ST3GAL5: variants seen among roughly 807,000 people sequenced by gnomAD.
ST3GAL5 encodes ST3 beta-galactoside alpha-2,3-sialyltransferase 5, also known as lactosylceramide alpha-2,3-sialyltransferase.
A neutral mutation model predicts 46.1 loss-of-function variants in ST3GAL5; 25 were observed. The ratio of observed to expected loss-of-function variants is 0.54; its 90% CI spans 0.40 to 0.76. The LOEUF is 0.76. Ranked by LOEUF, ST3GAL5 falls within the 30% of genes least tolerant of loss-of-function variation. The pLI is 0.00. For synonymous variants in ST3GAL5, 182 were observed against 192.7 expected, an observed-to-expected ratio of 0.94 and a Z score of 0.46; for missense variants, 431 against 521.2, an observed-to-expected ratio of 0.83 and a Z score of 1.69.
At chr2:85,864,860 G>A (rs891483520) in intron 1 of ST3GAL5, among the ~76,000 whole-genome samples, 11 of 152,288 alleles carry the variant, frequency 7.2e-5, no homozygotes, top group Middle Eastern at 3.4e-3. Context: ...TAGGACTCAA[G>A]ACTAAGTTTT....
intron 1 of ST3GAL5, among the ~76,000 whole-genome samples, chr2:85,878,788 A>G (rs903864522): frequency 1.3e-5 from 2 of 152,230 alleles, no homozygotes; most frequent in Non-Finnish European, 1.5e-5. Context: ...ACGCTGTGAT[A>G]GAGGAGCTAC....
In ST3GAL5 at chr2:85,847,861, C is replaced by T; in HGVS notation, c.662G>A (p.Arg221Lys). 6.2e-7 allele frequency: 1 copy of T among 1,613,636 alleles called. No individual in the cohort carries two copies. The highest frequency in any genetic ancestry group is 8.5e-7 in the Non-Finnish European group (1 of 1,179,950). The change falls in exon 4 of 7, where the codon AGG (arginine) becomes AAG (lysine). Residue 221 changes from arginine (R) to lysine (K), a missense_variant and splice_region_variant. Arg to Lys is a conservative substitution (Grantham distance 26). Coordinates refer to ENST00000638572, the MANE Select transcript of ST3GAL5 (RefSeq NM_003896.4). ...HTLNQFDVVI[R>K]LNSAPVEGYS... ...AAACAAACAAAAAAAACCAATGTAC[C>T]TTATCACAACATCGAACTGGTTCAG...
At chr2:85,842,885 C>A (rs1437535843) in intron 6 of ST3GAL5, among the ~76,000 whole-genome samples, 2 of 151,884 alleles carry the variant, frequency 1.3e-5, no homozygotes, top group Non-Finnish European at 2.9e-5. Context: ...CTCAGCCTCC[C>A]AAGTAGCTGA....
intron 4 of ST3GAL5, 91 bp from the exon 5 acceptor site, chr2:85,846,654 G>T: frequency 8.0e-7 from 1 of 1,242,286 alleles, no homozygotes; most frequent in Non-Finnish European, 1.2e-6. Flanking sequence ...TGTCCTCCAC[G>T]TCTTCTTATG....
At chr2:85,885,212 G>C (rs1241113270) in intron 1 of ST3GAL5, among the ~76,000 whole-genome samples, 1 of 152,220 alleles carries the variant, frequency 6.6e-6, no homozygotes, top group Admixed American at 6.5e-5. Flanking sequence ...AGGAAGTGCA[G>C]TATTATGAGA....
chr2:85,848,577 T>A, intron 3 of ST3GAL5: 1 of 416,664 alleles, frequency 2.4e-6, no homozygotes, highest in Non-Finnish European at 4.4e-6. Context: ...AGTTAAACTT[T>A]GAGGACATTA....
rs201747823 is a variant in ST3GAL5 at position 85,867,605 on chromosome 2, G to T, written c.83-4120C>A. On this transcript the variant is annotated intron_variant, in intron 1 of 6. Transcript: ENST00000638572. ...AAAGAAACGTGTGATGGGGACTTACGAACAGAAGCCATGTCCTGGGTGGCG... is the reference window on the plus strand; with the variant it reads ...AAAGAAACGTGTGATGGGGACTTACTAACAGAAGCCATGTCCTGGGTGGCG... The T allele has an allele frequency of 1.3e-3, 992 of 780,936 alleles. 18 individuals carry two copies. In the South Asian group the frequency reaches 0.013, roughly 10 times the overall value. The allele number at this position is 780,936 out of a possible 1,614,324, so 48.4% of individuals were successfully genotyped here.
intron 1 of ST3GAL5, among the ~76,000 whole-genome samples, chr2:85,882,655 C>A (rs1292662168): frequency 7.1e-6 from 1 of 140,010 alleles, no homozygotes; most frequent in African/African-American, 2.7e-5. Flanking sequence ...ATGGTGAAAC[C>A]CCATCTCTAC....
rs893242479 is a variant in ST3GAL5 at position 85,882,203 on chromosome 2, G to A, written c.82+6621C>T. Among the ~76,000 whole-genome samples, 28 of 152,224 alleles carry A rather than the reference G, an allele frequency of 1.8e-4. 1 individual carries two copies. The highest frequency in any genetic ancestry group is 1.3e-3 in the Admixed American group (20 of 15,284). On this transcript the variant is annotated intron_variant, in intron 1 of 6. Coordinates refer to ENST00000638572, the MANE Select transcript of ST3GAL5 (RefSeq NM_003896.4). ...ATGCCCAGGCAAAAGTTTGCTGCAG[G>A]GGCGGGGACCTCATGGAGAACCTCT...
chr2:85,844,795 G>A, intron 5 of ST3GAL5: 2 of 567,760 alleles, frequency 3.5e-6, no homozygotes, highest in East Asian at 3.1e-5. Flanking sequence ...TGCAGAACCA[G>A]CTTGTATTTG....
intron 1 of ST3GAL5, among the ~76,000 whole-genome samples, chr2:85,876,520 G>C (rs1405732721): frequency 3.4e-5 from 5 of 148,364 alleles, no homozygotes; most frequent in African/African-American, 1.2e-4. Flanking sequence ...CTGCAGTGAG[G>C]TGGCATGATC....
Position 85,837,404 on chromosome 2 carries a change from G to A in ST3GAL5, c.*2740C>T, listed in dbSNP as rs1681598330. 1 of 152,190 alleles carries A rather than the reference G, an allele frequency of 6.6e-6. No individual in the cohort carries two copies. Among genetic ancestry groups the A allele is most frequent in the Non-Finnish European group, 1.5e-5 (1 of 68,026 alleles). The allele number at this position is 152,190 out of a possible 1,614,324, so 9.4% of individuals were successfully genotyped here. ...AAAAAGTGGATCTCATGAAGATAGAGAGTAGATTGGTAGTTACCAGAGGCC... is the reference window on the plus strand; with the variant it reads ...AAAAAGTGGATCTCATGAAGATAGAAAGTAGATTGGTAGTTACCAGAGGCC... On this transcript the variant is annotated 3_prime_UTR_variant, in exon 7 of 7. Transcript: ENST00000638572.
intron 3 of ST3GAL5, chr2:85,854,967 C>T (rs574185759): frequency 1.3e-5 from 2 of 152,386 alleles, no homozygotes; most frequent in African/African-American, 2.4e-5. Context: ...GGGAAAGGCT[C>T]TAGGCAGCAA....
intron 3 of ST3GAL5, 116 bp from the exon 4 acceptor site, chr2:85,848,320 C>T (rs751100193): frequency 1.2e-6 from 2 of 1,605,110 alleles, no homozygotes; most frequent in Admixed American, 1.7e-5. Flanking sequence ...TGATTACTGT[C>T]TTTTAACACA....
intron 4 of ST3GAL5, 184 bp downstream of exon 4, chr2:85,847,676 TC>T: frequency 7.7e-7 from 1 of 1,305,086 alleles, no homozygotes; most frequent in Non-Finnish European, 1.0e-6. Context: ...GTGCCTGGGG[TC>T]CCAGCTACTG....
At chr2:85,850,796 G>A (rs1306266743) in intron 3 of ST3GAL5, 1 of 152,262 alleles carries the variant, frequency 6.6e-6, no homozygotes, top group African/African-American at 2.4e-5. Flanking sequence ...CGAGCTGGAT[G>A]CTCGCCAGGC....
In ST3GAL5 at chr2:85,846,480, G is replaced by A. The variant is rs1682807408; in HGVS notation, c.746C>T (p.Pro249Leu). The A allele has an allele frequency of 6.2e-7, 1 of 1,614,162 alleles. No homozygotes were observed. The highest frequency in any genetic ancestry group is 8.5e-7 in the Non-Finnish European group (1 of 1,180,006). ...TIRMTYPEGA[P>L]LSDLEYYSND... ...GGAATAATATTCAAGGTCAGACAGT[G>A]GTGCGCCCTCTGGATAAGTCATCCT... The change falls in exon 5 of 7, where the codon CCA becomes CTA. Residue 249 changes from proline to leucine, a missense_variant. Physicochemically the swap from Pro to Leu is moderately conservative, Grantham distance 98. Transcript: ENST00000638572.
At chr2:85,886,674 G>C (rs571476280) in intron 1 of ST3GAL5, among the ~76,000 whole-genome samples, 1 of 152,180 alleles carries the variant, frequency 6.6e-6, no homozygotes, top group East Asian at 1.9e-4. Context: ...TCCTCTGCAC[G>C]TGTGCTTAAG....
chr2:85,873,872 T>C (rs541970232), intron 1 of ST3GAL5, among the ~76,000 whole-genome samples: 1 of 152,292 alleles, frequency 6.6e-6, no homozygotes, highest in African/African-American at 2.4e-5. Flanking sequence ...CCCCTGGTGG[T>C]AGGTCCAGGT....
Sources: allele counts gnomAD v4.1 joint callset (sites outside exome capture counted in the v4.1 genomes callset), GRCh38; gene constraint gnomAD v4.1.1; transcripts MANE v1.5; gene names NCBI Gene and HGNC (gene_info 2026-07-23, HGNC 2026-07-21).